RTTN: variants seen among roughly 807,000 people sequenced by gnomAD.
RTTN encodes rotatin.
A neutral mutation model predicts 269.2 loss-of-function variants in RTTN; 182 were observed. The observed-to-expected ratio is 0.68, with a 90% CI of 0.60 to 0.76. The LOEUF (loss-of-function observed/expected upper bound fraction) is 0.76. Ranked by LOEUF, RTTN falls within the 30% of genes least tolerant of loss-of-function variation. RTTN has a pLI of 0.00. For missense variants in RTTN, 2,545 were observed against 2,608.6 expected, an observed-to-expected ratio of 0.98 and a Z score of 0.53; for synonymous variants, 1,006 against 963.5, an observed-to-expected ratio of 1.04 and a Z score of -0.82.
At chr18:70,094,484 T>C (rs938216313) in intron 28 of RTTN, among the ~76,000 whole-genome samples, 22 of 152,232 alleles carry the variant, frequency 1.4e-4, no homozygotes, top group African/African-American at 5.3e-4. Context: ...GTATATTGTG[T>C]CTTTGTTCTC....
intron 10 of RTTN, among the ~76,000 whole-genome samples, chr18:70,186,481 C>T (rs942818175): frequency 2.0e-5 from 3 of 152,260 alleles, no homozygotes; most frequent in East Asian, 1.9e-4. Flanking sequence ...CAGCCGGGCG[C>T]GGTGGCTCGC....
intron 28 of RTTN, among the ~76,000 whole-genome samples, chr18:70,107,756 A>G (rs894318210): frequency 4.6e-5 from 7 of 152,252 alleles, no homozygotes; most frequent in Non-Finnish European, 1.0e-4. Context: ...ATTCTATTAG[A>G]AAGATAAACC....
At chr18:70,006,940 T>C (rs1568230004) in intron 46 of RTTN, 1 of 153,564 alleles carries the variant, frequency 6.5e-6, no homozygotes, top group African/African-American at 2.4e-5. Context: ...CACTGCTTGA[T>C]GTTTTTTAAA....
intron 4 of RTTN, among the ~76,000 whole-genome samples, chr18:70,200,981 TAAAAC>T (rs1473968661): frequency 1.3e-5 from 2 of 152,004 alleles, no homozygotes; most frequent in Non-Finnish European, 2.9e-5. Flanking sequence ...TTATCAAACT[TAAAAC>T]AAAAATAATA....
intron 46 of RTTN, among the ~76,000 whole-genome samples, chr18:70,016,112 T>A (rs1409839670): frequency 6.6e-6 from 1 of 152,218 alleles, no homozygotes; most frequent in Non-Finnish European, 1.5e-5. Context: ...AGGTTAGGTC[T>A]GCTACAAGCT....
At chr18:70,084,916 A>ATTT (rs2058664237) in intron 32 of RTTN, among the ~76,000 whole-genome samples, 4 of 152,202 alleles carry the variant, frequency 2.6e-5, no homozygotes, top group Admixed American at 2.6e-4. Flanking sequence ...ACCAGCAACA[A>ATTT]ACAGGAACTT....
At chr18:70,198,072 C>T (rs903384846) in intron 5 of RTTN, among the ~76,000 whole-genome samples, 1 of 152,182 alleles carries the variant, frequency 6.6e-6, no homozygotes, top group Non-Finnish European at 1.5e-5. Flanking sequence ...TCAAAGAGCA[C>T]ACAATTCTAG....
intron 34 of RTTN, among the ~76,000 whole-genome samples, chr18:70,072,477 A>G (rs1454878699): frequency 6.6e-6 from 1 of 152,136 alleles, no homozygotes; most frequent in African/African-American, 2.4e-5. Context: ...TTTCTCAGAA[A>G]ATCTAGTATT....
At chr18:70,156,801 T>C (rs2060690867) in intron 14 of RTTN, among the ~76,000 whole-genome samples, 1 of 152,142 alleles carries the variant, frequency 6.6e-6, no homozygotes, top group African/African-American at 2.4e-5. Flanking sequence ...TAGGTGCCCA[T>C]CACCCAAATC....
intron 5 of RTTN, 36 bp downstream of exon 5, chr18:70,199,378 G>A (rs2061893280): frequency 7.0e-7 from 1 of 1,431,754 alleles, no homozygotes; most frequent in Non-Finnish European, 9.8e-7. Context: ...GACTATAAGT[G>A]AACAAAAATA....
At chr18:70,061,206 T>C (rs1405921031) in intron 35 of RTTN, 1 of 369,310 alleles carries the variant, frequency 2.7e-6, no homozygotes, top group East Asian at 7.3e-5. Flanking sequence ...CAACACTGTA[T>C]GAGAGCTCCC....
intron 35 of RTTN, 104 bp downstream of exon 35, chr18:70,065,725 T>C (rs2058115068): frequency 1.6e-6 from 1 of 621,608 alleles, no homozygotes; most frequent in Admixed American, 2.9e-5. Context: ...CTACAACTTA[T>C]TTCATTAAAA....
intron 14 of RTTN, among the ~76,000 whole-genome samples, chr18:70,153,258 T>C (rs2060586708): frequency 6.6e-6 from 1 of 152,022 alleles, no homozygotes; most frequent in South Asian, 2.1e-4. Flanking sequence ...ATACATATTC[T>C]ATACATATAG....
intron 14 of RTTN, among the ~76,000 whole-genome samples, chr18:70,156,219 A>G (rs112123759): frequency 4.6e-5 from 7 of 152,308 alleles, no homozygotes; most frequent in African/African-American, 1.7e-4. Flanking sequence ...TTTCTCAGCA[A>G]GGAACATCCC....
intron 11 of RTTN, among the ~76,000 whole-genome samples, chr18:70,172,266 C>T (rs1184766538): frequency 6.6e-6 from 1 of 152,118 alleles, no homozygotes. Context: ...CATCAGAGGA[C>T]ATTTTGTTAA....
At chr18:70,171,895 T>C (rs1422760919) in intron 11 of RTTN, among the ~76,000 whole-genome samples, 1 of 152,208 alleles carries the variant, frequency 6.6e-6, no homozygotes, top group African/African-American at 2.4e-5. Context: ...ACATTACCGT[T>C]TGAAAAGCAC....
intron 7 of RTTN, chr18:70,194,626 T>C (rs911594421): frequency 3.3e-5 from 5 of 152,232 alleles, no homozygotes; most frequent in Admixed American, 2.0e-4. Context: ...TTCAGCCATA[T>C]AAAGGAATGA....
intron 24 of RTTN, 64 bp from the exon 25 acceptor site, chr18:70,127,805 T>C (rs2059905012): frequency 3.5e-6 from 5 of 1,426,420 alleles, no homozygotes; most frequent in African/African-American, 1.4e-5. Context: ...CTCACACTTA[T>C]TTCTATTATA....
At chr18:70,163,054 G>A (rs2060882587) in intron 14 of RTTN, among the ~76,000 whole-genome samples, 1 of 117,634 alleles carries the variant, frequency 8.5e-6, no homozygotes, top group Admixed American at 1.1e-4. Context: ...CACCCATTAG[G>A]ATGGTTACTA....
Sources: allele counts gnomAD v4.1 joint callset (sites outside exome capture counted in the v4.1 genomes callset), GRCh38; gene constraint gnomAD v4.1.1; transcripts MANE v1.5; gene names NCBI Gene and HGNC (gene_info 2026-07-23, HGNC 2026-07-21).